ADGRV1: variants seen among roughly 807,000 people sequenced by gnomAD.
ADGRV1 encodes adhesion G protein-coupled receptor V1, also known as G-protein coupled receptor 98.
ADGRV1 carries 359 observed loss-of-function variants against 596.2 expected under a neutral mutation model. The ratio of observed to expected loss-of-function variants is 0.60; its 90% CI spans 0.55 to 0.66. ADGRV1 has a LOEUF of 0.66. Ranked by LOEUF, ADGRV1 falls within the 30% of genes least tolerant of loss-of-function variation. The pLI is 0.00. For missense variants in ADGRV1, 7,274 were observed against 7,575.6 expected (o/e 0.96, Z 1.48); for synonymous variants, 2,681 against 2,679.2 (o/e 1.00, Z -0.02).
intron 1 of ADGRV1, among the ~76,000 whole-genome samples, chr5:90,613,770 C>G (rs1030871268): frequency 2.6e-5 from 4 of 152,076 alleles, no homozygotes; most frequent in African/African-American, 7.2e-5. Flanking sequence ...CACTTAAATC[C>G]TAAAATATAT....
chr5:91,155,693 T>A (rs1796421985), intron 89 of ADGRV1, among the ~76,000 whole-genome samples: 1 of 152,212 alleles, frequency 6.6e-6, no homozygotes, highest in Non-Finnish European at 1.5e-5. Context: ...CACTCACTGA[T>A]ACTTTGCATA....
intron 41 of ADGRV1, 26 bp downstream of exon 41, chr5:90,711,348 G>T: frequency 6.5e-7 from 1 of 1,550,248 alleles, no homozygotes; most frequent in South Asian, 1.3e-5. Flanking sequence ...TATCACAGAT[G>T]ACTTTTACAA....
chr5:90,961,908 T>G (rs1294590677), intron 83 of ADGRV1, among the ~76,000 whole-genome samples: 1 of 152,188 alleles, frequency 6.6e-6, no homozygotes, highest in East Asian at 1.9e-4. Context: ...TGGCATTATA[T>G]TTGATTGTCA....
intron 83 of ADGRV1, among the ~76,000 whole-genome samples, chr5:90,923,356 A>T (rs1034955295): frequency 6.6e-6 from 1 of 152,120 alleles, no homozygotes; most frequent in Non-Finnish European, 1.5e-5. Context: ...TATAAAATCC[A>T]CACAATTTAG....
intron 83 of ADGRV1, among the ~76,000 whole-genome samples, chr5:90,875,531 A>G (rs1769139874): frequency 6.6e-6 from 1 of 152,212 alleles, no homozygotes; most frequent in African/African-American, 2.4e-5. Flanking sequence ...TCTTCCTTCA[A>G]AAGTCCATAG....
At chr5:90,759,346 C>CCTTCTTTTCCTCCCT in intron 57 of ADGRV1, 63 bp from the exon 58 acceptor site, 1 of 1,207,584 alleles carries the variant, frequency 8.3e-7, no homozygotes, top group Non-Finnish European at 1.2e-6. Flanking sequence ...TTTCTTTCCT[C>CCTTCTTTTCCTCCCT]ATTTCCTATC....
intron 52 of ADGRV1, among the ~76,000 whole-genome samples, chr5:90,748,510 G>A (rs1439850654): frequency 6.6e-6 from 1 of 152,076 alleles, no homozygotes; most frequent in Non-Finnish European, 1.5e-5. Context: ...TTATAGACTA[G>A]CTACACTAAC....
At chr5:90,985,550 C>G (rs1780422090) in intron 85 of ADGRV1, 28 bp downstream of exon 85, 1 of 1,584,586 alleles carries the variant, frequency 6.3e-7, no homozygotes, top group Admixed American at 1.7e-5. Context: ...ACACATTGCC[C>G]TAGCTTTCAT....
chr5:90,582,831 A>G (rs1020613696), intron 1 of ADGRV1, among the ~76,000 whole-genome samples: 1 of 152,182 alleles, frequency 6.6e-6, no homozygotes, highest in African/African-American at 2.4e-5. Context: ...TAGCTTCCCA[A>G]GTGGCTGAGA....
chr5:90,757,640 A>G (rs1755980145), intron 57 of ADGRV1, among the ~76,000 whole-genome samples: 1 of 152,220 alleles, frequency 6.6e-6, no homozygotes, highest in African/African-American at 2.4e-5. Context: ...GAGAAAATGA[A>G]CAAAATAGTT....
chr5:91,104,544 G>T (rs1483772854), intron 87 of ADGRV1, among the ~76,000 whole-genome samples: 1 of 152,112 alleles, frequency 6.6e-6, no homozygotes, highest in African/African-American at 2.4e-5. Flanking sequence ...CTATCTAGCT[G>T]TAATTTTATA....
chr5:90,693,098 G>A (rs1011441474), intron 32 of ADGRV1, among the ~76,000 whole-genome samples: 6 of 150,400 alleles, frequency 4.0e-5, no homozygotes, highest in Non-Finnish European at 8.8e-5. Context: ...AAATTAAAGA[G>A]CATTTGTATG....
intron 27 of ADGRV1, among the ~76,000 whole-genome samples, chr5:90,682,111 C>T (rs1438896471): frequency 6.6e-6 from 1 of 152,054 alleles, no homozygotes; most frequent in Non-Finnish European, 1.5e-5. Flanking sequence ...GGTGATCCAC[C>T]CGCCTTGGCC....
At chr5:91,003,845 T>C (rs1782044245) in intron 85 of ADGRV1, among the ~76,000 whole-genome samples, 1 of 152,096 alleles carries the variant, frequency 6.6e-6, no homozygotes. Context: ...GACTCAGATG[T>C]AAGAAGGACA....
intron 86 of ADGRV1, among the ~76,000 whole-genome samples, chr5:91,075,599 A>G (rs1333273658): frequency 6.6e-6 from 1 of 152,190 alleles, no homozygotes; most frequent in Non-Finnish European, 1.5e-5. Flanking sequence ...ACAAATTTAA[A>G]AAGTGTGATA....
intron 85 of ADGRV1, among the ~76,000 whole-genome samples, chr5:91,071,065 T>G (rs1321943157): frequency 6.6e-6 from 1 of 152,160 alleles, no homozygotes; most frequent in Non-Finnish European, 1.5e-5. Flanking sequence ...TCATCCTTTA[T>G]TTCCTCTGTT....
chr5:90,712,437 T>G lies in ADGRV1; in HGVS notation c.9184+9T>G, dbSNP rs2149722911. ...AGGGAAAAATACAATAGGTAATTAATAATTTCTTATAAACAGCTTCCTCTC... is the reference window on the plus strand; with the variant it reads ...AGGGAAAAATACAATAGGTAATTAAGAATTTCTTATAAACAGCTTCCTCTC... On this transcript the variant is annotated intron_variant, in intron 42 of 89. Transcript: ENST00000405460. 3 of 1,570,574 alleles carry G rather than the reference T, an allele frequency of 1.9e-6. No homozygotes were observed. The African/African-American group carries it at 4.0e-5, about 21-fold the overall frequency.
At chr5:90,874,433 T>G (rs1392746184) in intron 83 of ADGRV1, among the ~76,000 whole-genome samples, 2 of 152,218 alleles carry the variant, frequency 1.3e-5, no homozygotes, top group Non-Finnish European at 2.9e-5. Flanking sequence ...TTCTTGTTCA[T>G]GTATTGTATT....
intron 83 of ADGRV1, among the ~76,000 whole-genome samples, chr5:90,949,202 CA>C (rs1776856799): frequency 6.6e-6 from 1 of 152,078 alleles, no homozygotes; most frequent in Non-Finnish European, 1.5e-5. Flanking sequence ...TGCAAGTATA[CA>C]TGAATACTTT....
Sources: gnomAD v4.1 joint callset for allele counts (sites outside exome capture counted in the v4.1 genomes callset) on GRCh38, gnomAD v4.1.1 for gene constraint, MANE v1.5 for transcripts, NCBI Gene and HGNC (gene_info 2026-07-23, HGNC 2026-07-21) for gene names.